Variants in PHF12 observed in about 807,000 individuals in gnomAD.
PHF12 encodes the protein PHD finger protein 12.
A neutral mutation model predicts 99.8 loss-of-function variants in PHF12; 6 were observed. That is an observed-to-expected ratio of 0.06 (90% CI 0.03 to 0.12). The LOEUF (loss-of-function observed/expected upper bound fraction) is 0.12, where lower values mean the gene tolerates loss of function less well. PHF12 is among the 10% of genes least tolerant of loss of function. The pLI is 1.00. For synonymous variants in PHF12, 480 were observed against 514.9 expected, an observed-to-expected ratio of 0.93 and a Z score of 0.92; for missense variants, 954 against 1,300.1, an observed-to-expected ratio of 0.73 and a Z score of 4.09.
rs752816396 is a variant in PHF12, at chr17:28,905,362, GGAACCAGGGGCAGGAGGAAGAGGAGA to G, written c.*795_*820del. Reference sequence around the variant, plus strand: ...GGTTGTGGGGGTGGGAGGAGAGGAGGGAACCAGGGGCAGGAGGAAGAGGAGAGAAGTGGCAAGAGAACAAAAAAAGG... The same window carrying G: ...GGTTGTGGGGGTGGGAGGAGAGGAGGGAAGTGGCAAGAGAACAAAAAAAGG... On this transcript the variant is annotated 3_prime_UTR_variant, in exon 15 of 15. Coordinates refer to ENST00000332830, the MANE Select transcript of PHF12 (RefSeq NM_001033561.2). 3.9e-5 allele frequency: 6 copies of G among 152,646 alleles called. No homozygotes were observed. The highest frequency in any genetic ancestry group is 8.8e-5 in the Non-Finnish European group (6 of 68,080). 9.5% of individuals were successfully genotyped at this position (152,646 alleles called of 1,614,324 possible).
intron 2 of PHF12, among the ~76,000 whole-genome samples, chr17:28,930,515 T>C (rs1322641290): frequency 6.6e-6 from 1 of 152,206 alleles, no homozygotes; most frequent in Non-Finnish European, 1.5e-5. Flanking sequence ...GCAACTGTTT[T>C]GTGGGTTAAA....
At chr17:28,910,180 T>G (rs769482097) in intron 11 of PHF12, 46 bp downstream of exon 11, 1 of 1,613,782 alleles carries the variant, frequency 6.2e-7, no homozygotes, top group South Asian at 1.1e-5. Context: ...TTCGCACACG[T>G]AGAGGGGAGA....
intron 13 of PHF12, chr17:28,907,244 T>C: frequency 1.9e-6 from 1 of 533,996 alleles, no homozygotes; most frequent in Non-Finnish European, 3.3e-6. Flanking sequence ...CCTCTTGGTA[T>C]GATACTCACT....
chr17:28,912,096 C>CGT lies in PHF12; in HGVS notation c.2089+385_2089+386insAC. 1.1e-5 allele frequency: 11 copies of CGT among 1,033,296 alleles called. No homozygotes were observed. In the South Asian group the frequency reaches 1.8e-4, roughly 17 times the overall value. 64.0% of individuals were successfully genotyped at this position (1,033,296 alleles called of 1,614,324 possible). On this transcript the variant is annotated intron_variant, in intron 9 of 14. Transcript: ENST00000332830. The stretch of plus-strand genomic sequence containing the variant: ...TGTGTGGATCTGACAATACTGAGGC[C>CGT]ATCACGCAGAACCTCAGGCTGATCA...
At chr17:28,939,673 C>T (rs1054912679) in intron 2 of PHF12, among the ~76,000 whole-genome samples, 23 of 152,350 alleles carry the variant, frequency 1.5e-4, no homozygotes, top group Admixed American at 3.3e-4. Flanking sequence ...CTGTGCATTT[C>T]ATTAGTTTCT....
intron 2 of PHF12, among the ~76,000 whole-genome samples, chr17:28,941,240 G>C (rs943111754): frequency 6.6e-6 from 1 of 151,982 alleles, no homozygotes; most frequent in Admixed American, 6.6e-5. Flanking sequence ...GTTGAGAGAT[G>C]GATTTCAGTA....
intron 9 of PHF12, 88 bp from the exon 10 acceptor site, chr17:28,911,325 C>T (rs771171675): frequency 7.7e-6 from 12 of 1,549,238 alleles, no homozygotes; most frequent in Middle Eastern, 2.2e-4. Flanking sequence ...GTCTGGATTT[C>T]GGACCCAAGG....
At chr17:28,922,398 T>G (rs1485112396) in intron 4 of PHF12, among the ~76,000 whole-genome samples, 1 of 152,126 alleles carries the variant, frequency 6.6e-6, no homozygotes, top group Non-Finnish European at 1.5e-5. Flanking sequence ...CTGGCCCACA[T>G]TTTCATAAAA....
At chr17:28,931,622 C>G (rs949721896) in intron 2 of PHF12, among the ~76,000 whole-genome samples, 5 of 151,418 alleles carry the variant, frequency 3.3e-5, no homozygotes, top group African/African-American at 1.2e-4. Flanking sequence ...CACCGTATCA[C>G]CCAAGCTGGA....
chr17:28,935,920 T>C (rs576999433), intron 2 of PHF12, among the ~76,000 whole-genome samples: 27 of 152,208 alleles, frequency 1.8e-4, no homozygotes, highest in Non-Finnish European at 2.8e-4. Context: ...CTCAGCTAAC[T>C]GTAATGCCTA....
chr17:28,948,036 A>C (rs1297722790), intron 2 of PHF12, among the ~76,000 whole-genome samples: 3 of 152,240 alleles, frequency 2.0e-5, no homozygotes, highest in Non-Finnish European at 2.9e-5. Context: ...CGTCTAATTA[A>C]AAAATTCAGA....
chr17:28,933,949 A>C (rs536554666), intron 2 of PHF12, among the ~76,000 whole-genome samples: 41 of 152,154 alleles, frequency 2.7e-4, no homozygotes, highest in African/African-American at 9.7e-4. Context: ...TGGGAGGCTG[A>C]GGCAGGAGGA....
At chr17:28,913,343 G>C (rs1387876051) in intron 8 of PHF12, 66 bp from the exon 9 acceptor site, 13 of 1,541,670 alleles carry the variant, frequency 8.4e-6, no homozygotes, top group Non-Finnish European at 1.1e-5. Flanking sequence ...CTGCCACAGT[G>C]GCCAGGGCTG....
At chr17:28,933,445 ACC>A (rs2152672806) in intron 2 of PHF12, among the ~76,000 whole-genome samples, 1 of 152,354 alleles carries the variant, frequency 6.6e-6, no homozygotes, top group South Asian at 2.1e-4. Context: ...CAGAACTGGA[ACC>A]CAAATCAAAG....
At chr17:28,929,026 G>A (rs1314086397) in intron 2 of PHF12, among the ~76,000 whole-genome samples, 1 of 151,758 alleles carries the variant, frequency 6.6e-6, no homozygotes, top group East Asian at 2.0e-4. Context: ...AACCTGGGAA[G>A]TGGAGGTTGC....
intron 3 of PHF12, chr17:28,926,722 C>T (rs2040280535): frequency 7.5e-7 from 1 of 1,326,266 alleles, no homozygotes; most frequent in African/African-American, 1.5e-5. Flanking sequence ...AGGAGGACAA[C>T]AAGAAGGTAA....
At chr17:28,947,827 C>T (rs2040745444) in intron 2 of PHF12, among the ~76,000 whole-genome samples, 1 of 151,778 alleles carries the variant, frequency 6.6e-6, no homozygotes, top group Admixed American at 6.6e-5. Flanking sequence ...AGATGTGAAA[C>T]AAGCACTACT....
At chr17:28,912,292 G>A in intron 9 of PHF12, 190 bp downstream of exon 9, 5 of 1,384,256 alleles carry the variant, frequency 3.6e-6, no homozygotes, top group Non-Finnish European at 4.7e-6. Context: ...CAGAGCCTAA[G>A]CAGTCCCATT....
chr17:28,912,057 T>C (rs1283729725), intron 9 of PHF12: 3 of 986,128 alleles, frequency 3.0e-6, no homozygotes, highest in Admixed American at 5.7e-5. Context: ...GCATCAGGCA[T>C]GAATCCATTC....
Sources: gnomAD v4.1 joint callset for allele counts (sites outside exome capture counted in the v4.1 genomes callset) on GRCh38, gnomAD v4.1.1 for gene constraint, MANE v1.5 for transcripts, NCBI Gene and HGNC (gene_info 2026-07-23, HGNC 2026-07-21) for gene names.